RAB3GAP2: variants seen among roughly 807,000 people sequenced by gnomAD.
RAB3GAP2 encodes the protein RAB3 GTPase activating non-catalytic protein subunit 2, also known as rab3 GTPase-activating protein non-catalytic subunit.
Under a neutral mutation model 185.3 loss-of-function variants are expected in RAB3GAP2, and 87 were observed. The observed-to-expected ratio is 0.47, with a 90% confidence interval of 0.39 to 0.56. The LOEUF (loss-of-function observed/expected upper bound fraction) is 0.56. RAB3GAP2 is among the 20% of genes least tolerant of loss of function. The pLI is 0.00. For synonymous variants in RAB3GAP2, 554 were observed against 576.1 expected (o/e 0.96, Z 0.55); for missense variants, 1,492 against 1,638.2 (o/e 0.91, Z 1.54).
chr1:220,264,029 C>T (rs1033107), intron 1 of RAB3GAP2, among the ~76,000 whole-genome samples: 6,600 of 151,556 alleles, frequency 0.044, 503 homozygotes, highest in African/African-American at 0.15. Context: ...TGATACCCAC[C>T]GACATCCATT....
intron 13 of RAB3GAP2, among the ~76,000 whole-genome samples, chr1:220,192,704 G>A (rs1166877616): frequency 6.6e-6 from 1 of 152,122 alleles, no homozygotes; most frequent in African/African-American, 2.4e-5. Context: ...ACCTTGAGTG[G>A]GGAAGCTACA....
rs148916711 is a variant in RAB3GAP2, at chr1:220,228,295, T to G, written c.180+4504A>C. ...TTACATTTCACACATCTGCCAAAAT[T>G]TATTCTAATTCTTGCCTCTGGAGCT... On this transcript the variant is annotated intron_variant, in intron 2 of 34. Coordinates refer to ENST00000358951, the MANE Select transcript of RAB3GAP2 (RefSeq NM_012414.4). Among the ~76,000 whole-genome samples, 1,039 of 152,338 alleles carry G rather than the reference T, an allele frequency of 6.8e-3. 7 individuals are homozygous for G. Among genetic ancestry groups the G allele is most frequent in the Non-Finnish European group, 0.012 (822 of 68,032 alleles).
At chr1:220,244,353 G>T (rs1339683390) in intron 1 of RAB3GAP2, among the ~76,000 whole-genome samples, 4 of 152,136 alleles carry the variant, frequency 2.6e-5, no homozygotes, top group Non-Finnish European at 5.9e-5. Context: ...AACCAAGAAG[G>T]CAGAAGATCT....
intron 8 of RAB3GAP2, among the ~76,000 whole-genome samples, chr1:220,202,681 G>C (rs1330271784): frequency 1.3e-5 from 2 of 152,180 alleles, no homozygotes; most frequent in African/African-American, 2.4e-5. Flanking sequence ...GGTGGCTCAT[G>C]CCTGTAATCC....
intron 21 of RAB3GAP2, among the ~76,000 whole-genome samples, chr1:220,178,158 G>A (rs1341114541): frequency 1.3e-5 from 2 of 151,978 alleles, no homozygotes; most frequent in Non-Finnish European, 2.9e-5. Flanking sequence ...AGTGTTAAAG[G>A]AAAAAAACTG....
At chr1:220,173,860 A>T (rs996709362) in intron 21 of RAB3GAP2, among the ~76,000 whole-genome samples, 2 of 152,054 alleles carry the variant, frequency 1.3e-5, no homozygotes, top group Admixed American at 6.6e-5. Context: ...CTCTACTAAA[A>T]ATACAAAAAA....
intron 20 of RAB3GAP2, 23 bp downstream of exon 20, chr1:220,182,695 G>A (rs1207912913): frequency 1.3e-6 from 2 of 1,502,642 alleles, no homozygotes; most frequent in Non-Finnish European, 1.8e-6. Flanking sequence ...GGCATACAAA[G>A]ACCAGTGTAT....
At chr1:220,191,320 A>G in intron 13 of RAB3GAP2, 36 bp from the exon 14 acceptor site, 1 of 1,146,524 alleles carries the variant, frequency 8.7e-7, no homozygotes, top group Non-Finnish European at 1.2e-6. Context: ...TAATTACTTA[A>G]TCTAGGTTCC....
chr1:220,253,356 G>A (rs1036465602), intron 1 of RAB3GAP2, among the ~76,000 whole-genome samples: 11 of 152,226 alleles, frequency 7.2e-5, no homozygotes, highest in African/African-American at 2.7e-4. Context: ...TCCAGGTACA[G>A]GAGAAACTGA....
intron 31 of RAB3GAP2, 119 bp downstream of exon 31, chr1:220,157,151 C>T: frequency 2.3e-6 from 2 of 881,638 alleles, no homozygotes; most frequent in East Asian, 2.6e-5. Flanking sequence ...GGAGTTGGAA[C>T]CTCACACCAA....
chr1:220,175,862 G>A (rs1431739900), intron 21 of RAB3GAP2, among the ~76,000 whole-genome samples: 1 of 152,126 alleles, frequency 6.6e-6, no homozygotes, highest in Non-Finnish European at 1.5e-5. Flanking sequence ...CCTAGAGTGT[G>A]TTTTTCCTGT....
intron 2 of RAB3GAP2, 116 bp downstream of exon 2, chr1:220,232,683 C>G: frequency 1.0e-6 from 1 of 993,124 alleles, no homozygotes; most frequent in East Asian, 2.4e-5. Context: ...TAAGTAAGCA[C>G]AAAAATATTC....
At chr1:220,200,435 T>C (rs12070983) in intron 9 of RAB3GAP2, 8,786 of 386,344 alleles carry the variant, frequency 0.023, 721 homozygotes, top group African/African-American at 0.17. Context: ...TGGGGTCCTA[T>C]CTTGTATTTC....
At chr1:220,155,627 G>A (rs963080786) in intron 31 of RAB3GAP2, among the ~76,000 whole-genome samples, 1 of 152,160 alleles carries the variant, frequency 6.6e-6, no homozygotes, top group Admixed American at 6.5e-5. Context: ...GCTACTTTCT[G>A]AATGAGAAAA....
chr1:220,252,224 A>G (rs77080376), intron 1 of RAB3GAP2, among the ~76,000 whole-genome samples: 3,609 of 151,424 alleles, frequency 0.024, 71 homozygotes, highest in Middle Eastern at 0.058. Flanking sequence ...AAAACTATAA[A>G]TGACTTGGAA....
chr1:220,181,568 T>A (rs1399008750), intron 21 of RAB3GAP2, among the ~76,000 whole-genome samples: 1 of 152,220 alleles, frequency 6.6e-6, no homozygotes, highest in East Asian at 1.9e-4. Flanking sequence ...ATATTCAAAG[T>A]CTGAAAATGT....
At position 220,212,875 on chromosome 1, in the gene RAB3GAP2, A is replaced by T. The variant is rs1040145600; in HGVS notation, c.386+12T>A. The T allele has an allele frequency of 3.7e-6, 6 of 1,602,780 alleles. No individual in the cohort carries two copies. Among genetic ancestry groups the T allele is most frequent in the Non-Finnish European group, 4.3e-6 (5 of 1,169,818 alleles). On this transcript the variant is annotated intron_variant, in intron 4 of 34. Transcript: ENST00000358951. ...GTAACACACAGAGAAACAAAAATTA[A>T]CTGGCACCTACCCTTCTTCGACATT...
intron 2 of RAB3GAP2, among the ~76,000 whole-genome samples, chr1:220,231,953 T>C (rs1024023843): frequency 1.3e-5 from 2 of 152,210 alleles, no homozygotes; most frequent in African/African-American, 4.8e-5. Context: ...CATTCTATCT[T>C]TGGACTTCCT....
At chr1:220,221,152 A>G (rs1659298462) in intron 2 of RAB3GAP2, among the ~76,000 whole-genome samples, 1 of 152,198 alleles carries the variant, frequency 6.6e-6, no homozygotes, top group Middle Eastern at 3.2e-3. Flanking sequence ...TTAGAATAGA[A>G]AATTATCATA....
Sources: allele counts gnomAD v4.1 joint callset (sites outside exome capture counted in the v4.1 genomes callset), GRCh38; gene constraint gnomAD v4.1.1; transcripts MANE v1.5; gene names NCBI Gene and HGNC (gene_info 2026-07-23, HGNC 2026-07-21).